The following PRORP variants were observed in gnomAD, a reference collection of about 807,000 sequenced individuals.
PRORP encodes the protein protein only RNase P catalytic subunit.
Under a neutral mutation model 59.4 loss-of-function variants are expected in PRORP, and 51 were observed. That is an observed-to-expected ratio of 0.86 (90% CI 0.69 to 1.08). The LOEUF is 1.08. Ranked by LOEUF, PRORP falls within the 50% of genes least tolerant of loss-of-function variation. PRORP has a pLI of 0.00. For synonymous variants in PRORP, 231 were observed against 245.6 expected (o/e 0.94, Z 0.55); for missense variants, 646 against 690.3 (o/e 0.94, Z 0.72).
At chr14:35,270,754 C>A (rs1190746138) in intron 7 of PRORP, among the ~76,000 whole-genome samples, 158 bp downstream of exon 7, 1 of 152,088 alleles carries the variant, frequency 6.6e-6, no homozygotes, top group African/African-American at 2.4e-5. Context: ...TAGAAAGAGT[C>A]TGCTAGAGTT....
chr14:35,123,242 C>T lies in PRORP; in HGVS notation c.-4C>T, dbSNP rs1239245192. 6.2e-7 allele frequency: 1 copy of T among 1,605,014 alleles called. No homozygotes were observed. Among genetic ancestry groups the T allele is most frequent in the African/African-American group, 1.3e-5 (1 of 74,870 alleles). ...TCACTATCTGGTGCTGATCTCACTG[C>T]ATAATGACTTTCTATTTGTTTGGTA... is the stretch of plus-strand genomic sequence containing the variant. On this transcript the variant is annotated 5_prime_UTR_variant, in exon 2 of 8. Coordinates refer to ENST00000534898, the MANE Select transcript of PRORP (RefSeq NM_014672.4).
At chr14:35,265,489 A>G (rs1312456762) in intron 5 of PRORP, among the ~76,000 whole-genome samples, 2 of 152,194 alleles carry the variant, frequency 1.3e-5, no homozygotes, top group African/African-American at 4.8e-5. Flanking sequence ...CTAAAACCCA[A>G]GTCTAGACCT....
Position 35,126,799 on chromosome 14 carries a change from A to G in PRORP, c.1034+17A>G. ...CCGAAAAAGGTGAAGACCAATGTTT[A>G]TTTTTAACTTGTTTGATTTTGGTTT... On this transcript the variant is annotated intron_variant, in intron 3 of 7. Transcript: ENST00000534898. 1 of 1,595,992 alleles carries G rather than the reference A, an allele frequency of 6.3e-7. No individual in the cohort carries two copies. Among genetic ancestry groups the G allele is most frequent in the Non-Finnish European group, 8.6e-7 (1 of 1,167,836 alleles).
chr14:35,178,819 C>G (rs1453085328), intron 4 of PRORP, among the ~76,000 whole-genome samples: 1 of 152,158 alleles, frequency 6.6e-6, no homozygotes, highest in African/African-American at 2.4e-5. Context: ...TTAGTTGATG[C>G]AGTTTCTTCC....
intron 4 of PRORP, among the ~76,000 whole-genome samples, chr14:35,130,327 A>C (rs1487851208): frequency 1.3e-5 from 2 of 151,762 alleles, no homozygotes; most frequent in Non-Finnish European, 2.9e-5. Flanking sequence ...GCACTGCCTC[A>C]CTAAACTCAT....
At position 35,124,241 on chromosome 14, in the gene PRORP, G is replaced by A; in HGVS notation, c.986+10G>A. The A allele has an allele frequency of 1.3e-6, 2 of 1,497,100 alleles. No homozygotes were observed. The highest frequency in any genetic ancestry group is 2.3e-5 in the Admixed American group (1 of 42,880). The allele number at this position is 1,497,100 out of a possible 1,614,324, so 92.7% of individuals were successfully genotyped here. On this transcript the variant is annotated intron_variant, in intron 2 of 7. Transcript: ENST00000534898. ...AAACATGGTTTGAGAGGTAATTTTGGTTTTTTTATATGTATGTTTTTATTC... is the reference window on the plus strand; with the variant it reads ...AAACATGGTTTGAGAGGTAATTTTGATTTTTTTATATGTATGTTTTTATTC...
At chr14:35,265,666 T>G (rs1046961225) in intron 5 of PRORP, among the ~76,000 whole-genome samples, 5 of 152,120 alleles carry the variant, frequency 3.3e-5, no homozygotes, top group Admixed American at 3.3e-4. Flanking sequence ...AGTCATAACA[T>G]AGAAAAGTCA....
chr14:35,165,056 G>A (rs555337797), intron 4 of PRORP, among the ~76,000 whole-genome samples: 40 of 152,316 alleles, frequency 2.6e-4, no homozygotes, highest in African/African-American at 7.2e-4. Context: ...AAAATGTACC[G>A]TATAGGAAGA....
intron 4 of PRORP, among the ~76,000 whole-genome samples, chr14:35,146,936 T>A (rs931546151): frequency 2.1e-4 from 31 of 150,610 alleles, no homozygotes; most frequent in African/African-American, 3.2e-4. Context: ...TACAAAAAAA[T>A]TTTTTTTTTA....
At chr14:35,253,464 C>T (rs1411596449) in intron 5 of PRORP, among the ~76,000 whole-genome samples, 1 of 152,030 alleles carries the variant, frequency 6.6e-6, no homozygotes, top group Non-Finnish European at 1.5e-5. Flanking sequence ...TCTCCCTTCG[C>T]AGTGAAGCTT....
chr14:35,194,835 C>A (rs938927380), intron 5 of PRORP, among the ~76,000 whole-genome samples: 1 of 152,076 alleles, frequency 6.6e-6, no homozygotes, highest in Non-Finnish European at 1.5e-5. Context: ...AAGTCTTAAA[C>A]TATGACTAGT....
At chr14:35,231,301 T>A (rs1351379712) in intron 5 of PRORP, among the ~76,000 whole-genome samples, 1 of 152,176 alleles carries the variant, frequency 6.6e-6, no homozygotes, top group Non-Finnish European at 1.5e-5. Context: ...ATCATTTAAG[T>A]ATCTTGTAAC....
intron 4 of PRORP, among the ~76,000 whole-genome samples, chr14:35,128,994 C>T (rs925109624): frequency 1.3e-5 from 2 of 150,446 alleles, no homozygotes; most frequent in South Asian, 2.1e-4. Flanking sequence ...GTCAGGAGTT[C>T]GAGACCGGCC....
chr14:35,256,499 T>G (rs2050765185), intron 5 of PRORP, among the ~76,000 whole-genome samples: 1 of 150,228 alleles, frequency 6.7e-6, no homozygotes, highest in African/African-American at 2.4e-5. Flanking sequence ...GCCCAACTAA[T>G]TTTTGTATTT....
At position 35,123,796 on chromosome 14, in the gene PRORP, T is replaced by C. The variant is rs936487938; in HGVS notation, c.551T>C (p.Leu184Pro). The C allele has an allele frequency of 1.2e-6, 2 of 1,614,078 alleles. No individual in the cohort carries two copies. The highest frequency in any genetic ancestry group is 1.7e-6 in the Non-Finnish European group (2 of 1,180,010). Residue 184 changes from leucine to proline, a missense_variant, in exon 2 of 8, where the codon CTC (leucine) becomes CCC (proline). Leu to Pro is a moderately conservative substitution (Grantham distance 98). Coordinates refer to ENST00000534898, the MANE Select transcript of PRORP (RefSeq NM_014672.4). ...GATTTACTGGTCAAGTATTTGTATCTCTGTGTCTTTCATATGCAGACATCT... is the reference window on the plus strand; with the variant it reads ...GATTTACTGGTCAAGTATTTGTATCCCTGTGTCTTTCATATGCAGACATCT... ...SYDLLVKYLY[L>P]CVFHMQTSEV...
At chr14:35,145,820 T>TTTATTTAC (rs2047595069) in intron 4 of PRORP, among the ~76,000 whole-genome samples, 1 of 141,038 alleles carries the variant, frequency 7.1e-6, no homozygotes, top group Non-Finnish European at 1.6e-5. Context: ...TATTTATTTA[T>TTTATTTAC]TTATTTATTT....
intron 5 of PRORP, among the ~76,000 whole-genome samples, chr14:35,190,047 G>T (rs1048311508): frequency 6.7e-6 from 1 of 149,512 alleles, no homozygotes; most frequent in African/African-American, 2.5e-5. Flanking sequence ...AGCAGAGGTT[G>T]CAATGAGCTG....
chr14:35,130,693 A>G (rs902011255), intron 4 of PRORP, among the ~76,000 whole-genome samples: 3 of 151,844 alleles, frequency 2.0e-5, no homozygotes, highest in Non-Finnish European at 4.4e-5. Flanking sequence ...CATGTTGGCC[A>G]GGCTGGTTTC....
At chr14:35,261,767 A>G (rs2050910729) in intron 5 of PRORP, among the ~76,000 whole-genome samples, 1 of 152,120 alleles carries the variant, frequency 6.6e-6, no homozygotes, top group Admixed American at 6.5e-5. Context: ...TATACCTATG[A>G]CACTGATTCA....
Sources: gnomAD v4.1 joint callset for allele counts (sites outside exome capture counted in the v4.1 genomes callset) on GRCh38, gnomAD v4.1.1 for gene constraint, MANE v1.5 for transcripts, NCBI Gene and HGNC (gene_info 2026-07-23, HGNC 2026-07-21) for gene names.